KCNJ15: variants seen among roughly 807,000 people sequenced by gnomAD.
KCNJ15 encodes potassium inwardly rectifying channel subfamily J member 15.
In KCNJ15, 14 loss-of-function variants were observed where a neutral mutation model predicts 23.0. The observed-to-expected ratio is 0.61, with a 90% CI of 0.40 to 0.95. KCNJ15 has a LOEUF of 0.95. Among genes scored for constraint, KCNJ15 ranks in the 40% least tolerant of loss-of-function variants. The probability of loss-of-function intolerance (pLI) is 0.00; values close to 1 mark genes in which losing one functional copy is unlikely to be tolerated. For missense variants in KCNJ15, 388 were observed against 461.8 expected (o/e 0.84, Z 1.46); for synonymous variants, 185 against 183.2 (o/e 1.01, Z -0.08).
At chr21:38,235,028 G>A (rs1252196267) in intron 1 of KCNJ15, among the ~76,000 whole-genome samples, 1 of 152,106 alleles carries the variant, frequency 6.6e-6, no homozygotes, top group Non-Finnish European at 1.5e-5. Context: ...GGTATTTCAT[G>A]CTAAAATCAA....
At chr21:38,234,118 A>AT (rs1370091326) in intron 1 of KCNJ15, among the ~76,000 whole-genome samples, 1 of 152,076 alleles carries the variant, frequency 6.6e-6, no homozygotes, top group Non-Finnish European at 1.5e-5. Context: ...AATATGTTAG[A>AT]TTTTATCTTT....
chr21:38,261,637 G>A (rs1980910590), intron 1 of KCNJ15, among the ~76,000 whole-genome samples: 3 of 152,188 alleles, frequency 2.0e-5, no homozygotes, highest in Non-Finnish European at 4.4e-5. Flanking sequence ...TCCTTGTACT[G>A]TAGTTGAACC....
intron 1 of KCNJ15, among the ~76,000 whole-genome samples, chr21:38,264,913 G>A (rs930895244): frequency 3.9e-5 from 6 of 152,156 alleles, no homozygotes; most frequent in Non-Finnish European, 5.9e-5. Context: ...GAAGACACTT[G>A]AAATAAAACA....
chr21:38,234,196 G>C (rs1186128680), intron 1 of KCNJ15, among the ~76,000 whole-genome samples: 1 of 152,188 alleles, frequency 6.6e-6, no homozygotes, highest in Non-Finnish European at 1.5e-5. Flanking sequence ...GCGGCCTGGG[G>C]ACCACATGTA....
chr21:38,235,577 G>C (rs1182662655), intron 1 of KCNJ15, among the ~76,000 whole-genome samples: 1 of 152,168 alleles, frequency 6.6e-6, no homozygotes, highest in African/African-American at 2.4e-5. Flanking sequence ...AACAAAAAAA[G>C]TTGAGCTGGA....
chr21:38,274,114 C>T (rs1377931284), intron 1 of KCNJ15, among the ~76,000 whole-genome samples: 1 of 152,198 alleles, frequency 6.6e-6, no homozygotes, highest in African/African-American at 2.4e-5. Context: ...CTGGGCAGCC[C>T]ACCTCTTCCA....
chr21:38,248,624 G>A (rs1340950724), intron 1 of KCNJ15, among the ~76,000 whole-genome samples: 3 of 152,204 alleles, frequency 2.0e-5, no homozygotes, highest in South Asian at 4.1e-4. Flanking sequence ...ACATTCTAGT[G>A]AAAACAGCAG....
chr21:38,270,869 G>A (rs1982000930), intron 1 of KCNJ15, among the ~76,000 whole-genome samples: 1 of 152,240 alleles, frequency 6.6e-6, no homozygotes, highest in Non-Finnish European at 1.5e-5. Flanking sequence ...ATTTAAGGGA[G>A]TGTGTAACTG....
chr21:38,281,126 CAG>C lies in KCNJ15; in HGVS notation c.-116-15799_-116-15798del, dbSNP rs748299810. 7.2e-5 allele frequency among the ~76,000 whole-genome samples: 11 copies of C among 152,230 alleles called. No homozygotes were observed. In the South Asian group the frequency reaches 8.3e-4, roughly 11 times the overall value. The stretch of plus-strand genomic sequence containing the variant: ...AATAATTTGCATTTAAATGAGCCCT[CAG>C]GGAATTCGTATGCAAGTTTAATCAG... On this transcript the variant is annotated intron_variant, in intron 1 of 2. Coordinates refer to ENST00000398938, the MANE Select transcript of KCNJ15 (RefSeq NM_170736.3).
intron 1 of KCNJ15, among the ~76,000 whole-genome samples, chr21:38,290,536 G>T (rs369314828): frequency 4.6e-5 from 7 of 152,144 alleles, no homozygotes; most frequent in African/African-American, 1.7e-4. Flanking sequence ...GGTGAGAGGA[G>T]CACCTCTCCA....
At chr21:38,279,266 C>G (rs1255896277) in intron 1 of KCNJ15, among the ~76,000 whole-genome samples, 1 of 151,994 alleles carries the variant, frequency 6.6e-6, no homozygotes, top group East Asian at 1.9e-4. Flanking sequence ...AGGAACCACA[C>G]ACAGTTGACT....
Position 38,304,935 on chromosome 21 carries a change from C to A in KCNJ15, c.*4546C>A, listed in dbSNP as rs1413217456. On this transcript the variant is annotated 3_prime_UTR_variant, in exon 3 of 3. Coordinates refer to ENST00000398938, the MANE Select transcript of KCNJ15 (RefSeq NM_170736.3). ...ACCTCGTGATCTGCCCGCCTACAAGCCAGGTGTGGTGGTGCGTGCCTGTAA... is the reference window on the plus strand; with the variant it reads ...ACCTCGTGATCTGCCCGCCTACAAGACAGGTGTGGTGGTGCGTGCCTGTAA... The A allele has an allele frequency of 4.0e-4, 60 of 151,544 alleles. No homozygotes were observed. The highest frequency in any genetic ancestry group is 2.4e-3 in the Admixed American group (37 of 15,148). The allele number at this position is 151,544 out of a possible 1,614,324, so 9.4% of individuals were successfully genotyped here.
chr21:38,248,062 T>C (rs1437997929), intron 1 of KCNJ15, among the ~76,000 whole-genome samples: 2 of 152,224 alleles, frequency 1.3e-5, no homozygotes, highest in African/African-American at 4.8e-5. Context: ...ACATTTTCAC[T>C]GTAAACTTAT....
At chr21:38,252,271 A>G (rs917895758), upstream of KCNJ15, among the ~76,000 whole-genome samples, 1 of 152,136 alleles carries the variant, frequency 6.6e-6, no homozygotes, top group African/African-American at 2.4e-5. Flanking sequence ...ACCTATGGAA[A>G]TCTTGTGGGC....
upstream of KCNJ15, among the ~76,000 whole-genome samples, chr21:38,254,338 A>AT (rs1413894703): frequency 2.0e-5 from 3 of 152,226 alleles, no homozygotes; most frequent in Admixed American, 1.3e-4. Flanking sequence ...TCAAAATCTA[A>AT]TTGTTGACAT....
intron 1 of KCNJ15, among the ~76,000 whole-genome samples, chr21:38,246,687 T>C (rs1979390760): frequency 6.6e-6 from 1 of 152,248 alleles, no homozygotes; most frequent in Non-Finnish European, 1.5e-5. Flanking sequence ...AATCTTTAGA[T>C]GGTAAATTAT....
At chr21:38,268,715 G>A (rs1016257255) in intron 1 of KCNJ15, among the ~76,000 whole-genome samples, 2 of 152,170 alleles carry the variant, frequency 1.3e-5, no homozygotes, top group African/African-American at 2.4e-5. Flanking sequence ...CTTCCTGGAT[G>A]TGAATTCCAG....
intron 1 of KCNJ15, among the ~76,000 whole-genome samples, chr21:38,266,074 T>C (rs1345074910): frequency 2.0e-5 from 3 of 152,298 alleles, no homozygotes; most frequent in East Asian, 3.9e-4. Flanking sequence ...AGGACAAAGC[T>C]GGCAGCCAAC....
intron 1 of KCNJ15, among the ~76,000 whole-genome samples, chr21:38,244,710 G>C (rs1029551908): frequency 8.6e-5 from 13 of 152,018 alleles, no homozygotes; most frequent in African/African-American, 3.1e-4. Context: ...GCACACCCTA[G>C]GATTCAAGGA....
Sources: gnomAD v4.1 joint callset for allele counts (sites outside exome capture counted in the v4.1 genomes callset) on GRCh38, gnomAD v4.1.1 for gene constraint, MANE v1.5 for transcripts, NCBI Gene and HGNC (gene_info 2026-07-23, HGNC 2026-07-21) for gene names.